The following PALM3 variants were observed in gnomAD, a reference collection of about 807,000 sequenced individuals.
PALM3 encodes the protein paralemmin-3.
PALM3 carries 20 observed loss-of-function variants against 27.9 expected under a neutral mutation model. The observed-to-expected ratio is 0.72, with a 90% confidence interval of 0.50 to 1.04. The LOEUF (loss-of-function observed/expected upper bound fraction) is 1.04. Among genes scored for constraint, PALM3 ranks in the 50% least tolerant of loss-of-function variants. The probability of loss-of-function intolerance (pLI) is 0.00; values close to 1 mark genes in which losing one functional copy is unlikely to be tolerated. For missense variants in PALM3, 814 were observed against 869.4 expected, an observed-to-expected ratio of 0.94 and a Z score of 0.80; for synonymous variants, 328 against 352.7, an observed-to-expected ratio of 0.93 and a Z score of 0.79.
Position 14,054,606 on chromosome 19 carries a change from A to G in PALM3, c.1066T>C (p.Phe356Leu). ...AGGGTCACTCTCTCCACCCAAATGA[A>G]GGATCCCTCCTCTCCTCCAGAGCCT... ...QGGSGGEEGS[F>L]IWVERVTLSE... The change falls in exon 7 of 7, where the codon TTC becomes CTC. Residue 356 changes from phenylalanine to leucine, a missense_variant. Coordinates refer to ENST00000669674, the MANE Select transcript of PALM3 (RefSeq NM_001145028.2). 6.4e-7 allele frequency: 1 copy of G among 1,551,768 alleles called. No homozygotes were observed. Among genetic ancestry groups the G allele is most frequent in the Non-Finnish European group, 8.7e-7 (1 of 1,147,004 alleles).
Position 14,055,117 on chromosome 19 carries a change from C to T in PALM3, c.555G>A (p.Pro185=), listed in dbSNP as rs1374355626. The change falls in exon 7 of 7, where the codon CCG becomes CCA. Residue 185 remains proline (P), a synonymous_variant. Transcript: ENST00000669674. ...REDVLGFLPG[P]RQVPGAAGDS... Reference sequence around the variant, plus strand: ...CTCCTGCTGCCCCGGGGACCTGCCTCGGGCCTGGCAGAAACCCCAAGACAT... The same window carrying T: ...CTCCTGCTGCCCCGGGGACCTGCCTTGGGCCTGGCAGAAACCCCAAGACAT... 9 of 1,551,436 alleles carry T rather than the reference C, an allele frequency of 5.8e-6. No individual in the cohort carries two copies. Among genetic ancestry groups the T allele is most frequent in the East Asian group, 2.4e-5 (1 of 40,938 alleles).
In PALM3 at chr19:14,053,831, T is replaced by C; in HGVS notation, c.1841A>G (p.Gln614Arg). The change falls in exon 7 of 7, where the codon CAA becomes CGA. Residue 614 changes from glutamine (Q) to arginine (R), a missense_variant. By Grantham distance (43) the Gln-to-Arg change is conservative (BLOSUM62 1). Transcript: ENST00000669674. ...AGGTGTGGCATCCCCCAAGGGGCCT[T>C]GGCCCTCAGCAGCGGTTTGGGGCTT... ...GVKPQTAAEG[Q>R]GPLGDATPLL... 6.4e-7 allele frequency: 1 copy of C among 1,550,716 alleles called. No homozygotes were observed. The highest frequency in any genetic ancestry group is 2.4e-5 in the East Asian group (1 of 40,914).
In PALM3 at chr19:14,054,975, C is replaced by A; in HGVS notation, c.697G>T (p.Val233Leu). The change falls in exon 7 of 7, where the codon GTG becomes TTG. Residue 233 changes from valine (V) to leucine (L), a missense_variant. Physicochemically the swap from Val to Leu is conservative, Grantham distance 32. Transcript: ENST00000669674. Reference sequence around the variant, plus strand: ...CTCAGCCCTTCCCACACCACACTCACCACGCCCCCTCCTTTGGCCTCACCC... The same window carrying A: ...CTCAGCCCTTCCCACACCACACTCAACACGCCCCCTCCTTTGGCCTCACCC... ...RVGEAKGGGV[V>L]SVVWEGLRAT... is the part of the protein sequence containing the mutation. 5 of 1,549,456 alleles carry A rather than the reference C, an allele frequency of 3.2e-6. No homozygotes were observed. The highest frequency in any genetic ancestry group is 4.4e-6 in the Non-Finnish European group (5 of 1,146,214).
rs1976217851 is a variant in PALM3 at position 14,053,374 on chromosome 19, CT to C, written c.*230del. 2.3e-6 allele frequency: 1 copy of C among 444,146 alleles called. No individual in the cohort carries two copies. The highest frequency in any genetic ancestry group is 3.9e-6 in the Non-Finnish European group (1 of 255,556). 27.5% of individuals were successfully genotyped at this position (444,146 alleles called of 1,614,324 possible). A position where few individuals can be genotyped will look rare whatever the true frequency, so the allele number is the denominator to read the frequency against. On this transcript the variant is annotated 3_prime_UTR_variant, in exon 7 of 7. Transcript: ENST00000669674. ...ACACACATTCAAGCCGTCTTGAGTGCTTTCACATTTTATTTTCAAGTATAAA... is the reference window on the plus strand; with the variant it reads ...ACACACATTCAAGCCGTCTTGAGTGCTTCACATTTTATTTTCAAGTATAAA...
At position 14,056,753 on chromosome 19, in the gene PALM3, C is replaced by G; in HGVS notation, c.223G>C (p.Glu75Gln). 1 of 1,551,580 alleles carries G rather than the reference C, an allele frequency of 6.4e-7. No homozygotes were observed. The highest frequency in any genetic ancestry group is 8.7e-7 in the Non-Finnish European group (1 of 1,146,932). Residue 75 changes from glutamate (E) to glutamine (Q), a missense_variant, in exon 4 of 7, where the codon GAG becomes CAG. Physicochemically the swap from Glu to Gln is conservative, Grantham distance 29. Coordinates refer to ENST00000669674, the MANE Select transcript of PALM3 (RefSeq NM_001145028.2). Reference protein sequence around the residue: ...WLMDGAAAVPEPSEDPTSKDP... With the variant: ...WLMDGAAAVPQPSEDPTSKDP... ...TTCGAGGTGGGGTCTTCGGATGGCTCTGGCACTGCAGCTGCCCCATCCATT... is the reference window on the plus strand; with the variant it reads ...TTCGAGGTGGGGTCTTCGGATGGCTGTGGCACTGCAGCTGCCCCATCCATT...
At chr19:14,056,909 A>C in intron 3 of PALM3, 105 bp from the exon 4 acceptor site, 4 of 1,175,972 alleles carry the variant, frequency 3.4e-6, no homozygotes, top group Non-Finnish European at 3.4e-6. Flanking sequence ...TCACCACCTC[A>C]CAACCAGTTG....
intron 1 of PALM3, among the ~76,000 whole-genome samples, chr19:14,061,451 A>G (rs1311118462): frequency 2.0e-5 from 3 of 152,224 alleles, no homozygotes; most frequent in Non-Finnish European, 4.4e-5. Context: ...AGAACAACGT[A>G]GGCGGCCTGG....
At chr19:14,060,395 C>T (rs1399475395) in intron 1 of PALM3, among the ~76,000 whole-genome samples, 1 of 152,082 alleles carries the variant, frequency 6.6e-6, no homozygotes, top group Non-Finnish European at 1.5e-5. Context: ...CTCCCTGCCT[C>T]TATCATGACA....
At chr19:14,056,546 C>A in intron 4 of PALM3, 33 bp from the exon 5 acceptor site, 2 of 1,546,344 alleles carry the variant, frequency 1.3e-6, no homozygotes, top group Non-Finnish European at 1.7e-6. Flanking sequence ...AGGAGCTGGG[C>A]CCCCAGGCTC....
chr19:14,056,917 T>A (rs111983827), intron 3 of PALM3, 113 bp from the exon 4 acceptor site: 3 of 1,127,304 alleles, frequency 2.7e-6, no homozygotes, highest in Admixed American at 2.9e-5. Context: ...TCACAACCAG[T>A]TGCGACATAC....
In PALM3 at chr19:14,055,232, G is replaced by A; in HGVS notation, c.446-6C>T. The A allele has an allele frequency of 6.9e-7, 1 of 1,439,974 alleles. No individual in the cohort carries two copies. Among genetic ancestry groups the A allele is most frequent in the Non-Finnish European group, 9.1e-7 (1 of 1,102,270 alleles). 89.2% of individuals were successfully genotyped at this position (1,439,974 alleles called of 1,614,324 possible). A position where few individuals can be genotyped will look rare whatever the true frequency, so the allele number is the denominator to read the frequency against. Reference sequence around the variant, plus strand: ...CTTGTTCAGATCAGTCTGGCCTGGGGGAGTCAGAGGTGGAGGGGAGAGGAC... The same window carrying A: ...CTTGTTCAGATCAGTCTGGCCTGGGAGAGTCAGAGGTGGAGGGGAGAGGAC... On this transcript the variant is annotated splice_polypyrimidine_tract_variant and splice_region_variant and intron_variant, in intron 6 of 6. Transcript: ENST00000669674.
At position 14,056,668 on chromosome 19, in the gene PALM3, AAACT is replaced by A; in HGVS notation, c.304_307del (p.Ser102CysfsTer46). ...CTAGAAGGTCTCCACTCACGTGAAC[AAACT>A]GTCTTCCAGGTTCCGGATTCGGGCC... On this transcript the variant is annotated frameshift_variant, in exon 4 of 7. Transcript: ENST00000669674. LOFTEE classifies it high-confidence loss of function. 1.3e-6 allele frequency: 2 copies of A among 1,551,710 alleles called. No individual in the cohort carries two copies. The highest frequency in any genetic ancestry group is 1.7e-6 in the Non-Finnish European group (2 of 1,146,992).
Position 14,053,566 on chromosome 19 carries a change from C to T in PALM3, c.*39G>A. On this transcript the variant is annotated 3_prime_UTR_variant, in exon 7 of 7. Coordinates refer to ENST00000669674, the MANE Select transcript of PALM3 (RefSeq NM_001145028.2). ...TCTGGGTGCCAAGAGGCCGAGGTAG[C>T]TGTGAGAGGAGCTGGACATGGGGTG... 7.0e-7 allele frequency: 1 copy of T among 1,437,842 alleles called. No homozygotes were observed. The highest frequency in any genetic ancestry group is 1.6e-5 in the South Asian group (1 of 64,346). 89.1% of individuals were successfully genotyped at this position (1,437,842 alleles called of 1,614,324 possible).
chr19:14,056,832 G>A, intron 3 of PALM3, 28 bp from the exon 4 acceptor site: 1 of 1,526,394 alleles, frequency 6.6e-7, no homozygotes, highest in Non-Finnish European at 8.8e-7. Flanking sequence ...GTTGGGGCTG[G>A]GCATACAGAC....
chr19:14,053,386 A>C lies in PALM3; in HGVS notation c.*219T>G. ...GCCGTCTTGAGTGCTTTCACATTTTATTTTCAAGTATAAAGGCTTCATCGC... is the reference window on the plus strand; with the variant it reads ...GCCGTCTTGAGTGCTTTCACATTTTCTTTTCAAGTATAAAGGCTTCATCGC... On this transcript the variant is annotated 3_prime_UTR_variant, in exon 7 of 7. Coordinates refer to ENST00000669674, the MANE Select transcript of PALM3 (RefSeq NM_001145028.2). 1 of 459,030 alleles carries C rather than the reference A, an allele frequency of 2.2e-6. No homozygotes were observed. The allele number at this position is 459,030 out of a possible 1,614,324, so 28.4% of individuals were successfully genotyped here.
rs369216427 is a variant in PALM3, at chr19:14,055,396, G to A, written c.429C>T (p.Val143=). The change falls in exon 6 of 7, where the codon GTC becomes GTT. Residue 143 remains valine (V), a synonymous_variant. Coordinates refer to ENST00000669674, the MANE Select transcript of PALM3 (RefSeq NM_001145028.2). ...QGHRPLSQSI[V]EAGSVGQTDL... is the part of the protein sequence containing the mutation. ...CACACTTACCTACAGAACCTGCCTC[G>A]ACAATGGACTGGGAGAGAGGACGGT... 67 of 1,549,080 alleles carry A rather than the reference G, an allele frequency of 4.3e-5. No homozygotes were observed. The highest frequency in any genetic ancestry group is 5.6e-5 in the African/African-American group (4 of 71,044).
At position 14,054,181 on chromosome 19, in the gene PALM3, T is replaced by C; in HGVS notation, c.1491A>G (p.Val497=). ...TCTTCTCTACTCCCAATGGTTCTTC[T>C]ACCTCCTCCTCCTCTGCCCCTCGCT... is the stretch of plus-strand genomic sequence containing the variant. ...EEKRGAEEEE[V]EEPLGVEKKG... is the part of the protein sequence containing the mutation. Residue 497 remains valine, a synonymous_variant, in exon 7 of 7, where the codon GTA becomes GTG. Transcript: ENST00000669674. 1.9e-6 allele frequency: 3 copies of C among 1,551,810 alleles called. No individual in the cohort carries two copies. The highest frequency in any genetic ancestry group is 2.6e-6 in the Non-Finnish European group (3 of 1,147,026).
At chr19:14,055,874 C>CCTAGTAGCTGGGACTACAGGCACCT (rs1176738434) in intron 5 of PALM3, among the ~76,000 whole-genome samples, 1 of 152,112 alleles carries the variant, frequency 6.6e-6, no homozygotes, top group Non-Finnish European at 1.5e-5. Flanking sequence ...TCTCAGCCTC[C>CCTAGTAGCTGGGACTACAGGCACCT]CTAGTAGCTG....
chr19:14,053,898 G>T lies in PALM3; in HGVS notation c.1774C>A (p.Pro592Thr). Residue 592 changes from proline to threonine, a missense_variant, in exon 7 of 7, where the codon CCC becomes ACC. Physicochemically the swap from Pro to Thr is conservative, Grantham distance 38. Coordinates refer to ENST00000669674, the MANE Select transcript of PALM3 (RefSeq NM_001145028.2). ...ETRPEKEGPQPQEKPVGALEE... is the reference protein window; with the variant it reads ...ETRPEKEGPQTQEKPVGALEE... ...AGGGCTCCTACTGGCTTCTCCTGGG[G>T]CTGGGGTCCTTCCTTCTCTGGCCTT... 1 of 1,551,614 alleles carries T rather than the reference G, an allele frequency of 6.4e-7. No homozygotes were observed. Among genetic ancestry groups the T allele is most frequent in the Non-Finnish European group, 8.7e-7 (1 of 1,146,930 alleles).
Sources: gnomAD v4.1 joint callset for allele counts (sites outside exome capture counted in the v4.1 genomes callset) on GRCh38, gnomAD v4.1.1 for gene constraint, MANE v1.5 for transcripts, NCBI Gene and HGNC (gene_info 2026-07-23, HGNC 2026-07-21) for gene names.